The following SKP2 variants were observed in gnomAD, a reference collection of about 807,000 sequenced individuals.
SKP2 encodes the protein S-phase kinase associated protein 2, also known as S-phase kinase-associated protein 2.
SKP2 carries 16 observed loss-of-function variants against 51.8 expected under a neutral mutation model. The ratio of observed to expected loss-of-function variants is 0.31; its 90% CI spans 0.21 to 0.47. The LOEUF is 0.47. Among genes scored for constraint, SKP2 ranks in the 20% least tolerant of loss-of-function variants. The pLI, the probability that SKP2 is intolerant of heterozygous loss-of-function variation, is 1.00. For missense variants in SKP2, 377 were observed against 505.3 expected (o/e 0.75, Z 2.43); for synonymous variants, 176 against 198.6 (o/e 0.89, Z 0.96).
At chr5:36,157,900 A>C (rs1189056040) in intron 2 of SKP2, among the ~76,000 whole-genome samples, 1 of 152,248 alleles carries the variant, frequency 6.6e-6, no homozygotes, top group Non-Finnish European at 1.5e-5. Context: ...TGAGTTACCT[A>C]CACTGCAAAG....
At chr5:36,186,891 T>C (rs970281587), downstream of SKP2, among the ~76,000 whole-genome samples, 2 of 152,238 alleles carry the variant, frequency 1.3e-5, no homozygotes, top group African/African-American at 4.8e-5. Context: ...TTTTGGTTGG[T>C]AGGCTATTAA....
chr5:36,173,778 G>T (rs1279053019), intron 7 of SKP2, among the ~76,000 whole-genome samples: 1 of 152,062 alleles, frequency 6.6e-6, no homozygotes, highest in Non-Finnish European at 1.5e-5. Context: ...ATACCATGGG[G>T]ATAAAAAGTT....
intron 1 of SKP2, 48 bp from the exon 2 acceptor site, chr5:36,152,723 T>G: frequency 6.3e-7 from 1 of 1,584,920 alleles, no homozygotes; most frequent in East Asian, 2.2e-5. Flanking sequence ...TGAAATTATT[T>G]ATGGGTGTGT....
chr5:36,162,068 C>T (rs551052500), intron 2 of SKP2, among the ~76,000 whole-genome samples: 13 of 152,314 alleles, frequency 8.5e-5, no homozygotes, highest in African/African-American at 2.6e-4. Flanking sequence ...ACTGCGCTTC[C>T]TGCATCCACC....
At chr5:36,189,850 A>G (rs1024347830) in intron 6 of SKP2, among the ~76,000 whole-genome samples, 1 of 152,094 alleles carries the variant, frequency 6.6e-6, no homozygotes. Flanking sequence ...TGCCTCCTTG[A>G]GCTGCAGTGG....
chr5:36,191,997 C>T (rs1415987850), intron 6 of SKP2, among the ~76,000 whole-genome samples: 1 of 152,054 alleles, frequency 6.6e-6, no homozygotes, highest in African/African-American at 2.4e-5. Context: ...TCTCTAAATA[C>T]CAGAATATCT....
chr5:36,192,093 TAGTC>T (rs1234323234), intron 6 of SKP2, among the ~76,000 whole-genome samples: 5 of 152,236 alleles, frequency 3.3e-5, no homozygotes, highest in Admixed American at 1.3e-4. Context: ...TTAGCTCATG[TAGTC>T]AGTGATTTTC....
At chr5:36,159,575 T>C (rs1745060878) in intron 2 of SKP2, among the ~76,000 whole-genome samples, 1 of 152,202 alleles carries the variant, frequency 6.6e-6, no homozygotes. Context: ...AGTCCCCAAA[T>C]AGTGACCAAC....
At chr5:36,162,610 C>T (rs747943138) in intron 2 of SKP2, among the ~76,000 whole-genome samples, 1 of 152,126 alleles carries the variant, frequency 6.6e-6, no homozygotes. Flanking sequence ...CTACTCCTTC[C>T]CAACACCTAA....
chr5:36,156,793 T>C (rs569262388), intron 2 of SKP2, among the ~76,000 whole-genome samples: 10 of 152,318 alleles, frequency 6.6e-5, no homozygotes, highest in African/African-American at 2.4e-4. Context: ...TACTAAAATT[T>C]ACTGTATATC....
intron 2 of SKP2, among the ~76,000 whole-genome samples, chr5:36,157,497 C>T (rs464202): frequency 0.77 from 116,577 of 151,682 alleles, 46,711 homozygotes; most frequent in Non-Finnish European, 0.89. Context: ...CACCCAAAGC[C>T]AACATGGCCT....
chr5:36,153,585 AC>A, intron 2 of SKP2, among the ~76,000 whole-genome samples: 1 of 151,952 alleles, frequency 6.6e-6, no homozygotes, highest in South Asian at 2.1e-4. Flanking sequence ...CAACCCGAAA[AC>A]CTGAGAGTCA....
Position 36,152,190 on chromosome 5 carries a change from A to C in SKP2, c.-73A>C, listed in dbSNP as rs545662433. On this transcript the variant is annotated 5_prime_UTR_variant, in exon 1 of 10. Transcript: ENST00000274255. Reference sequence around the variant, plus strand: ...AGCACGCTCGGAGCCGCCGCGCGCCAAAGCGGGAATCTGGGAGGCGAGCAG... The same window carrying C: ...AGCACGCTCGGAGCCGCCGCGCGCCCAAGCGGGAATCTGGGAGGCGAGCAG... 6.4e-7 allele frequency: 1 copy of C among 1,571,078 alleles called. No individual in the cohort carries two copies. The highest frequency in any genetic ancestry group is 8.8e-7 in the Non-Finnish European group (1 of 1,141,844).
At chr5:36,187,963 T>C (rs1235096767), downstream of SKP2, among the ~76,000 whole-genome samples, 2 of 152,234 alleles carry the variant, frequency 1.3e-5, no homozygotes, top group East Asian at 1.9e-4. Flanking sequence ...CTCTTCTTGT[T>C]GAATTGATCC....
intron 2 of SKP2, among the ~76,000 whole-genome samples, chr5:36,162,048 A>AATC (rs1394444817): frequency 5.3e-5 from 8 of 152,232 alleles, no homozygotes; most frequent in Non-Finnish European, 1.0e-4. Context: ...GATTGCTTCT[A>AATC]TGAAAGAAAA....
At position 36,168,003 on chromosome 5, in the gene SKP2, G is replaced by A. The variant is rs547694902; in HGVS notation, c.537-310G>A. Among the ~76,000 whole-genome samples the A allele has an allele frequency of 5.3e-5, 8 of 152,234 alleles. No homozygotes were observed. In the South Asian group the frequency reaches 1.5e-3, roughly 28 times the overall value. ...TCACCCCTGCCAGAAACCAGGAGCC[G>A]TTATGGTCTTAATCTCCTTGTCACC... On this transcript the variant is annotated intron_variant, in intron 4 of 9. Transcript: ENST00000274255.
chr5:36,181,866 C>T lies in SKP2; in HGVS notation c.1110C>T (p.Ile370=), dbSNP rs761744015. ...TAAAAACACTACAAGTTTTTGGAATCGTGCCAGATGGTACCCTTCAACTGT... is the reference window on the plus strand; with the variant it reads ...TAAAAACACTACAAGTTTTTGGAATTGTGCCAGATGGTACCCTTCAACTGT... ...PTLKTLQVFG[I]VPDGTLQLLK... Residue 370 remains isoleucine, a synonymous_variant, in exon 10 of 10, where the codon ATC becomes ATT. Transcript: ENST00000274255. 24 of 1,613,920 alleles carry T rather than the reference C, an allele frequency of 1.5e-5. No homozygotes were observed. In the South Asian group the frequency reaches 2.3e-4, roughly 16 times the overall value.
rs1474800807 is a variant in SKP2 at position 36,165,602 on chromosome 5, G to A, written c.393-917G>A. 2.0e-5 allele frequency among the ~76,000 whole-genome samples: 3 copies of A among 152,112 alleles called. No homozygotes were observed. In the East Asian group the frequency reaches 5.8e-4, roughly 29 times the overall value. On this transcript the variant is annotated intron_variant, in intron 3 of 9. Transcript: ENST00000274255. ...TACAAAAGTGTGCCACTCTCTTAAG[G>A]ATATCTTATCTACAGTCCACCTTTT...
Position 36,166,737 on chromosome 5 carries a change from T to TC in SKP2, c.536+75_536+76insC, listed in dbSNP as rs1282834380. On this transcript the variant is annotated intron_variant, in intron 4 of 9. Coordinates refer to ENST00000274255, the MANE Select transcript of SKP2 (RefSeq NM_005983.4). ...AAACAGATCAAAGCTTTTTTTTTTTTTTTCTTTCTTCAGCCTTAAAGCCTA... is the reference window on the plus strand; with the variant it reads ...AAACAGATCAAAGCTTTTTTTTTTTTCTTTCTTTCTTCAGCCTTAAAGCCTA... The TC allele has an allele frequency of 1.0e-4, 145 of 1,383,772 alleles. 1 individual carries two copies. In the South Asian group the frequency reaches 1.4e-3, roughly 13 times the overall value. The allele number at this position is 1,383,772 out of a possible 1,614,324, so 85.7% of individuals were successfully genotyped here.
Sources: gnomAD v4.1 joint callset for allele counts (sites outside exome capture counted in the v4.1 genomes callset) on GRCh38, gnomAD v4.1.1 for gene constraint, MANE v1.5 for transcripts, NCBI Gene and HGNC (gene_info 2026-07-23, HGNC 2026-07-21) for gene names.